The following RARB variants were observed in gnomAD, a reference collection of about 807,000 sequenced individuals.
RARB encodes the protein HBV-activated protein.
In RARB, 17 loss-of-function variants were observed where a neutral mutation model predicts 51.9. That is an observed-to-expected ratio of 0.33 (90% CI 0.22 to 0.49). The LOEUF (loss-of-function observed/expected upper bound fraction) is 0.49. Ranked by LOEUF, RARB falls within the 20% of genes least tolerant of loss-of-function variation. The pLI is 0.99. For synonymous variants in RARB, 215 were observed against 195.4 expected (o/e 1.10, Z -0.84); for missense variants, 369 against 550.8 (o/e 0.67, Z 3.30).
intron 2 of RARB, among the ~76,000 whole-genome samples, chr3:25,009,117 A>G (rs1697339861): frequency 1.3e-5 from 2 of 152,126 alleles, no homozygotes; most frequent in South Asian, 4.1e-4. Flanking sequence ...GACTAGATTT[A>G]GGCTTTGTCA....
At chr3:24,924,185 A>G (rs1373561353) in intron 2 of RARB, among the ~76,000 whole-genome samples, 2 of 152,150 alleles carry the variant, frequency 1.3e-5, no homozygotes, top group African/African-American at 4.8e-5. Flanking sequence ...AGGAATTCCT[A>G]GAAAGAAGCC....
At chr3:25,576,426 C>G (rs1700933057) in intron 4 of RARB, among the ~76,000 whole-genome samples, 1 of 152,176 alleles carries the variant, frequency 6.6e-6, no homozygotes, top group African/African-American at 2.4e-5. Flanking sequence ...TCTAGCATTT[C>G]TTGGACATCC....
chr3:25,346,912 C>T (rs62235598), intron 5 of RARB, among the ~76,000 whole-genome samples: 1 of 152,268 alleles, frequency 6.6e-6, no homozygotes, highest in South Asian at 2.1e-4. Context: ...TTAGGTCTGC[C>T]CTCATAGGCT....
intron 2 of RARB, among the ~76,000 whole-genome samples, chr3:25,059,424 T>C (rs1426659325): frequency 5.3e-5 from 8 of 151,898 alleles, no homozygotes; most frequent in South Asian, 2.1e-4. Flanking sequence ...GCTGGAAATA[T>C]GTCCACTCTC....
At chr3:25,140,750 AG>A (rs1199552942) in intron 4 of RARB, among the ~76,000 whole-genome samples, 1 of 152,124 alleles carries the variant, frequency 6.6e-6, no homozygotes, top group East Asian at 1.9e-4. Flanking sequence ...CTTTTGAGAA[AG>A]GGTATAGAAA....
At chr3:25,516,354 T>C (rs1046814824) in intron 3 of RARB, among the ~76,000 whole-genome samples, 2 of 152,226 alleles carry the variant, frequency 1.3e-5, no homozygotes, top group Non-Finnish European at 2.9e-5. Context: ...TTTAGAAATA[T>C]AGTGTTCAAG....
At chr3:25,582,373 C>A (rs891650847) in intron 5 of RARB, among the ~76,000 whole-genome samples, 44 of 152,056 alleles carry the variant, frequency 2.9e-4, no homozygotes, top group African/African-American at 1.0e-3. Flanking sequence ...AAATCAAGTC[C>A]ACAGCAAGCA....
chr3:25,491,017 A>T (rs1044250690), intron 2 of RARB, among the ~76,000 whole-genome samples: 1 of 152,152 alleles, frequency 6.6e-6, no homozygotes, highest in Non-Finnish European at 1.5e-5. Flanking sequence ...AGTCCGCAAG[A>T]TATCATATTT....
intron 3 of RARB, among the ~76,000 whole-genome samples, chr3:25,106,010 T>C (rs6778399): frequency 0.34 from 52,040 of 152,078 alleles, 9,385 homozygotes; most frequent in Non-Finnish European, 0.4. Context: ...TCATTTAGAC[T>C]GCAGTAGCTA....
intron 5 of RARB, among the ~76,000 whole-genome samples, chr3:25,281,935 G>A (rs928983720): frequency 2.0e-5 from 3 of 152,182 alleles, no homozygotes; most frequent in African/African-American, 4.8e-5. Flanking sequence ...ATATATTTAA[G>A]TGCCTGCTCT....
At chr3:25,006,620 A>G (rs1697277604) in intron 2 of RARB, among the ~76,000 whole-genome samples, 1 of 152,206 alleles carries the variant, frequency 6.6e-6, no homozygotes, top group East Asian at 1.9e-4. Flanking sequence ...TGAGGCAAAC[A>G]AGTAATCATA....
At chr3:25,171,068 T>C (rs1383134054) in intron 4 of RARB, among the ~76,000 whole-genome samples, 1 of 152,138 alleles carries the variant, frequency 6.6e-6, no homozygotes, top group Non-Finnish European at 1.5e-5. Context: ...GAAAATGCAG[T>C]TTGAGAAACT....
chr3:25,047,240 G>A (rs1698236141), intron 2 of RARB, among the ~76,000 whole-genome samples: 1 of 152,178 alleles, frequency 6.6e-6, no homozygotes, highest in African/African-American at 2.4e-5. Context: ...GTGCCTGGGA[G>A]ATTAGAATGG....
At chr3:25,058,788 G>T (rs2125302991) in intron 2 of RARB, among the ~76,000 whole-genome samples, 1 of 151,538 alleles carries the variant, frequency 6.6e-6, no homozygotes, top group Non-Finnish European at 1.5e-5. Flanking sequence ...CATGATTTTT[G>T]AATTATTAAA....
At chr3:25,268,613 T>A (rs1437992383) in intron 5 of RARB, among the ~76,000 whole-genome samples, 1 of 152,222 alleles carries the variant, frequency 6.6e-6, no homozygotes, top group East Asian at 1.9e-4. Flanking sequence ...TCTGCCTTCC[T>A]TGTTGTACAA....
At chr3:24,897,113 G>A (rs906740422) in intron 2 of RARB, among the ~76,000 whole-genome samples, 9 of 152,124 alleles carry the variant, frequency 5.9e-5, no homozygotes, top group African/African-American at 1.2e-4. Flanking sequence ...TTAAATAAAC[G>A]TGTAAAGCCA....
At chr3:25,384,859 T>C (rs928409789) in intron 5 of RARB, among the ~76,000 whole-genome samples, 1 of 152,212 alleles carries the variant, frequency 6.6e-6, no homozygotes, top group Admixed American at 6.5e-5. Context: ...TAAAAGAAGA[T>C]AAGAAATAAA....
chr3:25,316,538 G>C (rs1280793071), intron 5 of RARB, among the ~76,000 whole-genome samples: 1 of 152,150 alleles, frequency 6.6e-6, no homozygotes, highest in Admixed American at 6.6e-5. Context: ...CTATAGAAGA[G>C]AAAAGCCAGG....
intron 2 of RARB, among the ~76,000 whole-genome samples, chr3:24,977,750 T>G (rs767709409): frequency 6.6e-6 from 1 of 152,212 alleles, no homozygotes; most frequent in Non-Finnish European, 1.5e-5. Flanking sequence ...TTTATTTCTT[T>G]CTCCTGCCTG....
Sources: gnomAD v4.1 joint callset for allele counts (sites outside exome capture counted in the v4.1 genomes callset) on GRCh38, gnomAD v4.1.1 for gene constraint, MANE v1.5 for transcripts, NCBI Gene and HGNC (gene_info 2026-07-23, HGNC 2026-07-21) for gene names.